The following PTCHD4 variants were observed in gnomAD, a reference collection of about 807,000 sequenced individuals.
PTCHD4 encodes patched domain containing 4, also known as patched domain-containing protein 4.
In PTCHD4, 33 loss-of-function variants were observed where a neutral mutation model predicts 58.1. The ratio of observed to expected loss-of-function variants is 0.57; its 90% CI spans 0.43 to 0.76. The LOEUF (loss-of-function observed/expected upper bound fraction) is 0.76, where lower values mean the gene tolerates loss of function less well. Ranked by LOEUF, PTCHD4 falls within the 30% of genes least tolerant of loss-of-function variation. PTCHD4 has a pLI of 0.00. For synonymous variants in PTCHD4, 478 were observed against 409.6 expected (o/e 1.17, Z -2.02); for missense variants, 1,058 against 1,027.1 (o/e 1.03, Z -0.41).
At chr6:47,945,297 G>C (rs745361103) in intron 4 of PTCHD4, among the ~76,000 whole-genome samples, 27 of 152,144 alleles carry the variant, frequency 1.8e-4, no homozygotes, top group Middle Eastern at 3.4e-3. Context: ...TATTCAATTT[G>C]AGAAGTATAA....
chr6:48,034,013 T>C (rs1763542379), intron 3 of PTCHD4, among the ~76,000 whole-genome samples: 1 of 152,118 alleles, frequency 6.6e-6, no homozygotes, highest in South Asian at 2.1e-4. Context: ...CAACAATCTG[T>C]TACCTTGGAA....
chr6:48,022,299 A>C (rs1245852464), intron 3 of PTCHD4, among the ~76,000 whole-genome samples: 1 of 151,720 alleles, frequency 6.6e-6, no homozygotes, highest in African/African-American at 2.4e-5. Context: ...TCAAAGCCAC[A>C]GTGAGGGATA....
At chr6:47,975,227 T>C (rs1161010767) in intron 4 of PTCHD4, among the ~76,000 whole-genome samples, 1 of 152,200 alleles carries the variant, frequency 6.6e-6, no homozygotes, top group African/African-American at 2.4e-5. Flanking sequence ...CTGCTCAATG[T>C]ATAGTTATTG....
chr6:48,029,849 A>G (rs2114129429), intron 3 of PTCHD4, among the ~76,000 whole-genome samples: 1 of 152,260 alleles, frequency 6.6e-6, no homozygotes, highest in Non-Finnish European at 1.5e-5. Flanking sequence ...TAAGAAACTA[A>G]GGTTGACTTT....
rs1288326462 is a variant in PTCHD4 at position 47,879,186 on chromosome 6, T to C, written c.1649A>G (p.Gln550Arg). The C allele has an allele frequency of 3.1e-6, 5 of 1,612,482 alleles. No individual in the cohort carries two copies. The highest frequency in any genetic ancestry group is 4.2e-6 in the Non-Finnish European group (5 of 1,179,696). Residue 550 changes from glutamine (Q) to arginine (R), a missense_variant, in exon 5 of 5, where the codon CAG (glutamine) becomes CGG (arginine). Gln to Arg is a conservative substitution (Grantham distance 43). Coordinates refer to ENST00000339488, the MANE Select transcript of PTCHD4 (RefSeq NM_001384253.1). ...SGFTAVSWVE[Q>R]YYQFLKVSNV... ...GCTGACTTTCAGGAACTGGTAGTAC[T>C]GCTCCACCCAGGACACTGCAGTGAA...
chr6:48,056,897 C>T (rs1278397568), intron 3 of PTCHD4, among the ~76,000 whole-genome samples: 1 of 152,160 alleles, frequency 6.6e-6, no homozygotes, highest in Non-Finnish European at 1.5e-5. Flanking sequence ...CTCATGGTGC[C>T]ATTTTTGTCA....
chr6:47,949,656 CT>C (rs1419079680), intron 4 of PTCHD4, among the ~76,000 whole-genome samples: 6 of 151,980 alleles, frequency 3.9e-5, no homozygotes, highest in East Asian at 1.9e-4. Context: ...GTCTCTCTCT[CT>C]TTTTTTCCCC....
chr6:47,866,867 A>C lies in PTCHD4; in HGVS notation c.*11436T>G, dbSNP rs1382576842. 6.6e-6 allele frequency among the ~76,000 whole-genome samples: 1 copy of C among 151,864 alleles called. No individual in the cohort carries two copies. Among genetic ancestry groups the C allele is most frequent in the Non-Finnish European group, 1.5e-5 (1 of 67,882 alleles). ...GGAAGTGAATTTAAAAAATAGTTTTAAGCATTTTAACAAACTCATTGTCTT... is the reference window on the plus strand; with the variant it reads ...GGAAGTGAATTTAAAAAATAGTTTTCAGCATTTTAACAAACTCATTGTCTT... On this transcript the variant is annotated 3_prime_UTR_variant, in exon 5 of 5. Coordinates refer to ENST00000339488, the MANE Select transcript of PTCHD4 (RefSeq NM_001384253.1).
intron 4 of PTCHD4, among the ~76,000 whole-genome samples, chr6:47,921,986 G>GAAAAT (rs1765447270): frequency 6.9e-6 from 1 of 145,542 alleles, no homozygotes; most frequent in Admixed American, 6.8e-5. Flanking sequence ...GAAAAGAAAA[G>GAAAAT]AAACTAGCCA....
Position 48,010,403 on chromosome 6 carries a change from A to G in PTCHD4, c.418-1289T>C, listed in dbSNP as rs558571139. The stretch of plus-strand genomic sequence containing the variant: ...AGGTATTATGTACTCTAGCAGACAC[A>G]TGTCTTAATTCTTGTGGACTTGTTT... On this transcript the variant is annotated intron_variant, in intron 3 of 4. Transcript: ENST00000339488. 5.9e-5 allele frequency among the ~76,000 whole-genome samples: 9 copies of G among 152,268 alleles called. No individual in the cohort carries two copies. The South Asian group carries it at 1.2e-3, about 21-fold the overall frequency.
chr6:47,890,718 G>T (rs912694963), intron 4 of PTCHD4, among the ~76,000 whole-genome samples: 2 of 152,112 alleles, frequency 1.3e-5, no homozygotes, highest in South Asian at 2.1e-4. Context: ...CTTTGTAAGG[G>T]GGGGGATTCC....
rs189038797 is a variant in PTCHD4, at chr6:48,013,809, T to C, written c.418-4695A>G. Among the ~76,000 whole-genome samples the C allele has an allele frequency of 1.6e-4, 25 of 152,300 alleles. No individual in the cohort carries two copies. The East Asian group carries it at 4.8e-3, about 29-fold the overall frequency. On this transcript the variant is annotated intron_variant, in intron 3 of 4. Coordinates refer to ENST00000339488, the MANE Select transcript of PTCHD4 (RefSeq NM_001384253.1). ...GCAGCTATCTGTCTTTACTTATTTA[T>C]GTCATCAAAAAGATTTCTCAAGAGA...
At position 48,068,384 on chromosome 6, in the gene PTCHD4, A is replaced by G. The variant is rs917465865; in HGVS notation, c.263T>C (p.Leu88Pro). 13 of 1,613,924 alleles carry G rather than the reference A, an allele frequency of 8.1e-6. No individual in the cohort carries two copies. The highest frequency in any genetic ancestry group is 1.1e-5 in the Non-Finnish European group (13 of 1,179,872). The change falls in exon 3 of 5, where the codon CTT (leucine) becomes CCT (proline). Residue 88 changes from leucine (L) to proline (P), a missense_variant. Physicochemically the swap from Leu to Pro is moderately conservative, Grantham distance 98. Transcript: ENST00000339488. This position sits in a 1 kb window ranked among gnomAD's most constrained non-coding sequence, Gnocchi z 4.2. ...GCTTTTGGACTGGTCCAGGGGGAAA[A>G]GGCTGCTGGCCAGGCTGCGCTCGAT... ...AKIERSLASS[L>P]FPLDQSKSQL...
chr6:47,954,945 C>T (rs116587142), intron 4 of PTCHD4, among the ~76,000 whole-genome samples: 293 of 152,270 alleles, frequency 1.9e-3, no homozygotes, highest in African/African-American at 6.8e-3. Flanking sequence ...TGAGGAAGTT[C>T]AAGCCCATGG....
intron 1 of PTCHD4, among the ~76,000 whole-genome samples, chr6:48,072,789 A>G (rs1393397371): frequency 6.6e-6 from 1 of 152,312 alleles, no homozygotes; most frequent in African/African-American, 2.4e-5. Context: ...TGCTACATAG[A>G]TTATTGTAGC....
chr6:47,899,613 G>C, intron 4 of PTCHD4: 1 of 967,820 alleles, frequency 1.0e-6, no homozygotes, highest in Non-Finnish European at 1.2e-6. Context: ...CCTTCCGTTT[G>C]TTTTTAACAG....
intron 3 of PTCHD4, among the ~76,000 whole-genome samples, chr6:48,051,568 T>C (rs751859344): frequency 6.6e-6 from 1 of 151,950 alleles, no homozygotes; most frequent in Non-Finnish European, 1.5e-5. Flanking sequence ...TTAATAACCC[T>C]CATGTTTTTT....
intron 4 of PTCHD4, among the ~76,000 whole-genome samples, chr6:47,906,757 T>C (rs1764900766): frequency 6.6e-6 from 1 of 152,160 alleles, no homozygotes; most frequent in Non-Finnish European, 1.5e-5. Flanking sequence ...CATTTCTGTA[T>C]TTTGCACAGT....
At position 47,878,315 on chromosome 6, in the gene PTCHD4, G is replaced by A. The variant is rs751965697; in HGVS notation, c.2520C>T (p.Val840=). Residue 840 remains valine, a synonymous_variant, in exon 5 of 5, where the codon GTC becomes GTT. Transcript: ENST00000339488. ...CIEIQENPDH[V]TTV is the part of the protein sequence containing the mutation. ...TGGTCTATACCCCTCATACTGTGGT[G>A]ACGTGATCCGGGTTCTCTTGAATTT... 1.3e-6 allele frequency: 2 copies of A among 1,594,396 alleles called. No individual in the cohort carries two copies. Among genetic ancestry groups the A allele is most frequent in the South Asian group, 2.3e-5 (2 of 87,084 alleles).
Sources: gnomAD v4.1 joint callset for allele counts (sites outside exome capture counted in the v4.1 genomes callset) on GRCh38, gnomAD v4.1.1 for gene constraint, Gnocchi (gnomAD v3.1) non-coding constraint, MANE v1.5 for transcripts, NCBI Gene and HGNC (gene_info 2026-07-23, HGNC 2026-07-21) for gene names.